Variants in GRIN2A observed in about 807,000 individuals in gnomAD.
The protein encoded by GRIN2A is glutamate receptor ionotropic, NMDA 2A.
A neutral mutation model predicts 113.4 loss-of-function variants in GRIN2A; 22 were observed. That is an observed-to-expected ratio of 0.19 (90% CI 0.14 to 0.28). The LOEUF (loss-of-function observed/expected upper bound fraction) is 0.28, where lower values mean the gene tolerates loss of function less well. Among genes scored for constraint, GRIN2A ranks in the 10% least tolerant of loss-of-function variants. The pLI, the probability that GRIN2A is intolerant of heterozygous loss-of-function variation, is 1.00. For missense variants in GRIN2A, 1,502 were observed against 1,887.0 expected, an observed-to-expected ratio of 0.80 and a Z score of 3.78; for synonymous variants, 827 against 738.4, an observed-to-expected ratio of 1.12 and a Z score of -1.94.
intron 3 of GRIN2A, among the ~76,000 whole-genome samples, chr16:9,929,292 A>C (rs2044536145): frequency 1.3e-5 from 2 of 152,176 alleles, no homozygotes. Context: ...GGATATCTCA[A>C]AAGTATGTCT....
intron 10 of GRIN2A, among the ~76,000 whole-genome samples, chr16:9,803,886 G>C (rs560963633): frequency 2.6e-5 from 4 of 152,306 alleles, no homozygotes; most frequent in African/African-American, 9.6e-5. Flanking sequence ...CTATTACTTA[G>C]AAAATTCAGA....
At chr16:9,988,284 CGT>C (rs4031160) in intron 2 of GRIN2A, among the ~76,000 whole-genome samples, 2,619 of 146,506 alleles carry the variant, frequency 0.018, 42 homozygotes, top group Non-Finnish European at 0.024. Flanking sequence ...TGTGTGTGTG[CGT>C]GTGTGTGTGT....
intron 2 of GRIN2A, among the ~76,000 whole-genome samples, chr16:10,169,498 A>G (rs918915049): frequency 2.0e-5 from 3 of 152,204 alleles, no homozygotes; most frequent in Non-Finnish European, 4.4e-5. Context: ...CAATGAAAGG[A>G]TAGAGGCCCT....
chr16:10,111,251 T>A, intron 2 of GRIN2A: 1 of 289,288 alleles, frequency 3.5e-6, no homozygotes, highest in Non-Finnish European at 6.7e-6. Flanking sequence ...CAACACTAAG[T>A]GGTTAAATAA....
At chr16:10,059,035 A>G (rs1020843851) in intron 2 of GRIN2A, among the ~76,000 whole-genome samples, 2 of 152,242 alleles carry the variant, frequency 1.3e-5, no homozygotes, top group Admixed American at 6.5e-5. Flanking sequence ...ATCATAATAC[A>G]TGGAAGAGGG....
chr16:10,125,826 G>T (rs573720308), intron 2 of GRIN2A, among the ~76,000 whole-genome samples: 1 of 152,056 alleles, frequency 6.6e-6, no homozygotes, highest in African/African-American at 2.4e-5. Context: ...GGTAAAGGCT[G>T]GGTGGGAGGA....
At chr16:9,967,958 A>G (rs945264027) in intron 2 of GRIN2A, among the ~76,000 whole-genome samples, 1 of 152,222 alleles carries the variant, frequency 6.6e-6, no homozygotes, top group African/African-American at 2.4e-5. Flanking sequence ...GTGAAATGTC[A>G]GAAAGAAAGA....
At chr16:10,060,026 G>A (rs1017723287) in intron 2 of GRIN2A, among the ~76,000 whole-genome samples, 1 of 152,158 alleles carries the variant, frequency 6.6e-6, no homozygotes, top group African/African-American at 2.4e-5. Context: ...CTTGGCAGTA[G>A]CAAATCCCAC....
At chr16:9,952,865 A>C (rs1052582850) in intron 2 of GRIN2A, among the ~76,000 whole-genome samples, 2 of 152,208 alleles carry the variant, frequency 1.3e-5, no homozygotes, top group Non-Finnish European at 2.9e-5. Context: ...AGGAAGAAAA[A>C]GAGGGAGGAA....
At chr16:10,006,327 C>A (rs748760353) in intron 2 of GRIN2A, among the ~76,000 whole-genome samples, 1 of 152,104 alleles carries the variant, frequency 6.6e-6, no homozygotes, top group Non-Finnish European at 1.5e-5. Context: ...ACAACCAAAA[C>A]GACTTTTTTA....
At chr16:10,089,334 G>A (rs1420411993) in intron 2 of GRIN2A, among the ~76,000 whole-genome samples, 1 of 152,186 alleles carries the variant, frequency 6.6e-6, no homozygotes, top group Non-Finnish European at 1.5e-5. Flanking sequence ...GTATGCATAT[G>A]TCTAGATTCA....
intron 5 of GRIN2A, 66 bp downstream of exon 5, chr16:9,849,690 C>T (rs1056562946): frequency 8.9e-7 from 1 of 1,128,942 alleles, no homozygotes; most frequent in African/African-American, 1.5e-5. Flanking sequence ...CATATTGTTA[C>T]TATCGATGAT....
chr16:10,033,204 G>A (rs1223139657), intron 2 of GRIN2A, among the ~76,000 whole-genome samples: 1 of 152,222 alleles, frequency 6.6e-6, no homozygotes, highest in Non-Finnish European at 1.5e-5. Flanking sequence ...ATGGAACTCT[G>A]CAGTGAGCAG....
chr16:9,779,011 C>T lies in GRIN2A; in HGVS notation c.2357-9922G>A, dbSNP rs571183196. Among the ~76,000 whole-genome samples, 60 of 152,340 alleles carry T rather than the reference C, an allele frequency of 3.9e-4. 1 individual carries two copies. The South Asian group carries it at 0.012, about 31-fold the overall frequency. On this transcript the variant is annotated intron_variant, in intron 11 of 12. Coordinates refer to ENST00000330684, the MANE Select transcript of GRIN2A (RefSeq NM_001134407.3). ...TGCAATGAATCAAGAGGACAGTTTT[C>T]TGCTCCTGCATCACACAAGGCAAGA...
At chr16:10,113,425 G>A (rs907743559) in intron 2 of GRIN2A, among the ~76,000 whole-genome samples, 2 of 152,308 alleles carry the variant, frequency 1.3e-5, no homozygotes, top group African/African-American at 2.4e-5. Context: ...CCCTGGCCCC[G>A]GGGAGGAGGC....
Position 10,125,667 on chromosome 16 carries a change from C to CG in GRIN2A, c.414+54330_414+54331insC, listed in dbSNP as rs386364755. On this transcript the variant is annotated intron_variant, in intron 2 of 12. Transcript: ENST00000330684. ...AAAAAAAGACTGTTCCGAGTCTCCCCTCCCTGGCTGTTTTGCTAAGCCCCA... is the reference window on the plus strand; with the variant it reads ...AAAAAAAGACTGTTCCGAGTCTCCCCGTCCCTGGCTGTTTTGCTAAGCCCCA... Among the ~76,000 whole-genome samples, 148 of 151,682 alleles carry CG rather than the reference C, an allele frequency of 9.8e-4. 2 individuals are homozygous for CG. The highest frequency in any genetic ancestry group is 5.1e-3 in the South Asian group (24 of 4,752).
chr16:9,766,644 C>T (rs1338723171), intron 12 of GRIN2A, among the ~76,000 whole-genome samples: 1 of 152,194 alleles, frequency 6.6e-6, no homozygotes, highest in African/African-American at 2.4e-5. Context: ...GCTGCTGGAG[C>T]ATCCAGACTG....
chr16:10,069,795 C>G (rs565130962), intron 2 of GRIN2A, among the ~76,000 whole-genome samples: 28 of 152,374 alleles, frequency 1.8e-4, no homozygotes, highest in African/African-American at 6.7e-4. Context: ...TACAGCCATA[C>G]AGGGTCCAGC....
intron 2 of GRIN2A, among the ~76,000 whole-genome samples, chr16:9,949,297 G>A (rs2045107018): frequency 6.6e-6 from 1 of 152,178 alleles, no homozygotes; most frequent in African/African-American, 2.4e-5. Flanking sequence ...AAGTAAGCAG[G>A]TGAATGGATG....
Sources: allele counts gnomAD v4.1 joint callset (sites outside exome capture counted in the v4.1 genomes callset), GRCh38; gene constraint gnomAD v4.1.1; transcripts MANE v1.5; gene names NCBI Gene and HGNC (gene_info 2026-07-23, HGNC 2026-07-21).